IPMK: variants seen among roughly 807,000 people sequenced by gnomAD.
IPMK encodes the protein inositol 1,3,4,6-tetrakisphosphate 5-kinase.
A neutral mutation model predicts 45.8 loss-of-function variants in IPMK; 17 were observed. The observed-to-expected ratio is 0.37, with a 90% confidence interval of 0.25 to 0.56. The LOEUF (loss-of-function observed/expected upper bound fraction) is 0.56. IPMK is among the 20% of genes least tolerant of loss of function. IPMK has a pLI of 0.79. For missense variants in IPMK, 399 were observed against 498.0 expected, an observed-to-expected ratio of 0.80 and a Z score of 1.89; for synonymous variants, 180 against 184.3, an observed-to-expected ratio of 0.98 and a Z score of 0.19.
At chr10:58,208,086 G>A (rs1031631627) in intron 4 of IPMK, among the ~76,000 whole-genome samples, 3 of 151,968 alleles carry the variant, frequency 2.0e-5, no homozygotes, top group East Asian at 1.9e-4. Flanking sequence ...GACTACAGGC[G>A]CCCGCCACCA....
chr10:58,253,845 G>A (rs1002025651), intron 1 of IPMK, among the ~76,000 whole-genome samples: 2 of 151,538 alleles, frequency 1.3e-5, no homozygotes, highest in East Asian at 1.9e-4. Context: ...CCCTTCCTTC[G>A]AATATAGCAC....
At chr10:58,246,962 AAAAC>A (rs1838810821) in intron 1 of IPMK, among the ~76,000 whole-genome samples, 1 of 150,508 alleles carries the variant, frequency 6.6e-6, no homozygotes, top group Non-Finnish European at 1.5e-5. Context: ...TTACAAGAAA[AAAAC>A]AAACAACCCC....
chr10:58,239,583 G>C (rs1285484073), intron 1 of IPMK, among the ~76,000 whole-genome samples: 1 of 152,116 alleles, frequency 6.6e-6, no homozygotes, highest in Non-Finnish European at 1.5e-5. Flanking sequence ...GGATGGATTA[G>C]AGACTGTAAT....
chr10:58,196,512 G>A lies in IPMK; in HGVS notation c.815C>T (p.Thr272Ile), dbSNP rs1837896535. Residue 272 changes from threonine (T) to isoleucine (I), a missense_variant, in exon 6 of 6, where the codon ACT becomes ATT. Physicochemically the swap from Thr to Ile is moderately conservative, Grantham distance 89. Around this residue, in one of 2 missense-constraint regions of IPMK, gnomAD observed 288 missense variants for 398.0 expected, o/e 0.72. Transcript: ENST00000373935. The stretch of plus-strand genomic sequence containing the variant: ...TTTGGACAAAAACTTTTCTGCCAAA[G>A]TTCTGTCATTCAATTTTGTAGTGGT... Reference protein sequence around the residue: ...QPTTTKLNDRTLAEKFLSKGQ... With the variant: ...QPTTTKLNDRILAEKFLSKGQ... The A allele has an allele frequency of 6.2e-7, 1 of 1,613,844 alleles. No individual in the cohort carries two copies. The highest frequency in any genetic ancestry group is 8.5e-7 in the Non-Finnish European group (1 of 1,179,966).
intron 1 of IPMK, among the ~76,000 whole-genome samples, chr10:58,255,499 TTC>T (rs1388935797): frequency 5.9e-5 from 9 of 152,178 alleles, no homozygotes; most frequent in African/African-American, 2.2e-4. Flanking sequence ...TACAGGGGAT[TTC>T]TCTGATTCTC....
chr10:58,233,451 G>A (rs530104942), intron 2 of IPMK, among the ~76,000 whole-genome samples: 271 of 152,286 alleles, frequency 1.8e-3, no homozygotes, highest in Non-Finnish European at 2.9e-3. Flanking sequence ...AAATCCAGCA[G>A]CACATCAAAA....
chr10:58,231,168 T>C (rs1316896735), intron 2 of IPMK, among the ~76,000 whole-genome samples: 1 of 152,084 alleles, frequency 6.6e-6, no homozygotes, highest in Admixed American at 6.5e-5. Context: ...CCAAGAAATA[T>C]GGGACTATGT....
chr10:58,243,941 G>A (rs867634098), intron 1 of IPMK, among the ~76,000 whole-genome samples: 5 of 147,704 alleles, frequency 3.4e-5, no homozygotes, highest in South Asian at 4.4e-4. Flanking sequence ...CTGCCCGACC[G>A]CCCATCGTCT....
rs995655582 is a variant in IPMK at position 58,193,764 on chromosome 10, A to G, written c.*2312T>C. 7 of 151,844 alleles carry G rather than the reference A, an allele frequency of 4.6e-5. No homozygotes were observed. The highest frequency in any genetic ancestry group is 1.7e-4 in the African/African-American group (7 of 41,424). 9.4% of individuals were successfully genotyped at this position (151,844 alleles called of 1,614,324 possible). ...TTCTTAAGCATTTACATGTTCAAAT[A>G]TACTTGGTGAATAGCGATCATTCAT... On this transcript the variant is annotated 3_prime_UTR_variant, in exon 6 of 6. Transcript: ENST00000373935.
chr10:58,208,590 A>C (rs566156150), intron 4 of IPMK, among the ~76,000 whole-genome samples: 2 of 152,272 alleles, frequency 1.3e-5, no homozygotes, highest in African/African-American at 4.8e-5. Context: ...GTAGGGATAA[A>C]GACTCTGTAT....
chr10:58,241,729 G>A (rs1838698646), intron 1 of IPMK, among the ~76,000 whole-genome samples: 1 of 151,944 alleles, frequency 6.6e-6, no homozygotes, highest in African/African-American at 2.4e-5. Context: ...ACTCTCTAGT[G>A]CCTTTTCTTA....
At chr10:58,252,698 C>T (rs1333618643) in intron 1 of IPMK, among the ~76,000 whole-genome samples, 1 of 150,854 alleles carries the variant, frequency 6.6e-6, no homozygotes, top group Non-Finnish European at 1.5e-5. Context: ...CTGCAACCTC[C>T]ACCTTCCGGG....
intron 1 of IPMK, among the ~76,000 whole-genome samples, chr10:58,261,385 T>C (rs1366054181): frequency 2.0e-5 from 3 of 151,900 alleles, no homozygotes; most frequent in Non-Finnish European, 4.4e-5. Context: ...ATTATACTTT[T>C]CTGTAAAGTT....
chr10:58,200,180 G>A (rs771510222), intron 4 of IPMK, among the ~76,000 whole-genome samples: 6 of 152,068 alleles, frequency 3.9e-5, no homozygotes, highest in South Asian at 2.1e-4. Context: ...GTGCAGTGGC[G>A]TGATCTCAGC....
chr10:58,238,020 T>C (rs550630100), intron 1 of IPMK, among the ~76,000 whole-genome samples: 2 of 152,298 alleles, frequency 1.3e-5, no homozygotes, highest in East Asian at 3.9e-4. Context: ...CCAAATGTCT[T>C]CATTTTAGTG....
chr10:58,237,685 G>A (rs1457484517), intron 2 of IPMK, 44 bp downstream of exon 2: 1 of 1,461,340 alleles, frequency 6.8e-7, no homozygotes, highest in East Asian at 2.3e-5. Flanking sequence ...AGAAAACTCT[G>A]AAAAACACTT....
chr10:58,253,754 AAAAAAAG>A (rs1564540285), intron 1 of IPMK, among the ~76,000 whole-genome samples: 1 of 143,418 alleles, frequency 7.0e-6, no homozygotes, highest in African/African-American at 2.7e-5. Flanking sequence ...AAAAAAAGAA[AAAAAAAG>A]AAAAGAAAAA....
At chr10:58,199,207 C>G in intron 5 of IPMK, 33 bp downstream of exon 5, 1 of 1,327,520 alleles carries the variant, frequency 7.5e-7, no homozygotes, top group Non-Finnish European at 1.1e-6. Context: ...TTTAACTGTT[C>G]AATCATAAAA....
chr10:58,207,779 T>C (rs1838092290), intron 4 of IPMK, among the ~76,000 whole-genome samples: 1 of 152,186 alleles, frequency 6.6e-6, no homozygotes, highest in Non-Finnish European at 1.5e-5. Context: ...TAGGATTTCT[T>C]TGCGTTTCTT....
Sources: allele counts gnomAD v4.1 joint callset (sites outside exome capture counted in the v4.1 genomes callset), GRCh38; gene constraint gnomAD v4.1.1; regional missense constraint gnomAD v4.1.1; transcripts MANE v1.5; gene names NCBI Gene and HGNC (gene_info 2026-07-23, HGNC 2026-07-21).